Variants in HERC1 observed in about 807,000 individuals in gnomAD.
The protein encoded by HERC1 is probable E3 ubiquitin-protein ligase HERC1.
HERC1 carries 160 observed loss-of-function variants against 554.3 expected under a neutral mutation model. That is an observed-to-expected ratio of 0.29 (90% CI 0.25 to 0.33). The LOEUF (loss-of-function observed/expected upper bound fraction) is 0.33. Ranked by LOEUF, HERC1 falls within the 10% of genes least tolerant of loss-of-function variation. The pLI is 1.00. For missense variants in HERC1, 4,919 were observed against 5,918.5 expected, an observed-to-expected ratio of 0.83 and a Z score of 5.54; for synonymous variants, 2,175 against 2,131.7, an observed-to-expected ratio of 1.02 and a Z score of -0.56.
At chr15:63,687,472 A>T (rs548428711) in intron 33 of HERC1, among the ~76,000 whole-genome samples, 49 of 152,056 alleles carry the variant, frequency 3.2e-4, no homozygotes, top group African/African-American at 1.1e-3. Context: ...GGGGAGGCAG[A>T]GGTTGCAGTA....
At chr15:63,724,520 C>T (rs1305195488) in intron 18 of HERC1, among the ~76,000 whole-genome samples, 1 of 152,162 alleles carries the variant, frequency 6.6e-6, no homozygotes, top group Non-Finnish European at 1.5e-5. Flanking sequence ...TTTTTCTTTT[C>T]TTTTCCGCTC....
chr15:63,789,140 G>A (rs557181141), intron 1 of HERC1, among the ~76,000 whole-genome samples: 5 of 128,944 alleles, frequency 3.9e-5, no homozygotes, highest in African/African-American at 9.1e-5. Context: ...GCCCAGGCTG[G>A]AGTGCAGTGG....
At chr15:63,798,822 A>G (rs2076890765) in intron 1 of HERC1, among the ~76,000 whole-genome samples, 1 of 152,212 alleles carries the variant, frequency 6.6e-6, no homozygotes, top group Admixed American at 6.5e-5. Context: ...ATGGTAACTC[A>G]TAGGTATATT....
chr15:63,705,910 G>C (rs2072977377), intron 25 of HERC1, among the ~76,000 whole-genome samples: 2 of 151,286 alleles, frequency 1.3e-5, no homozygotes, highest in South Asian at 2.1e-4. Context: ...CACACCTGCA[G>C]TCCCAGCTAC....
intron 2 of HERC1, among the ~76,000 whole-genome samples, chr15:63,769,577 G>A (rs1011806434): frequency 4.6e-5 from 7 of 152,190 alleles, no homozygotes; most frequent in Admixed American, 6.5e-5. Context: ...TTTGGGGCCC[G>A]GTGTGGTGGC....
At chr15:63,791,625 C>T (rs1390271823) in intron 1 of HERC1, among the ~76,000 whole-genome samples, 7 of 152,128 alleles carry the variant, frequency 4.6e-5, no homozygotes, top group African/African-American at 1.4e-4. Flanking sequence ...AAGTAAAAAA[C>T]AATTCTTCGA....
intron 61 of HERC1, among the ~76,000 whole-genome samples, chr15:63,639,526 T>C (rs1209788690): frequency 6.6e-6 from 1 of 152,352 alleles, no homozygotes. Flanking sequence ...AAGTGATGCA[T>C]AGCTACAGTT....
chr15:63,658,705 G>A lies in HERC1; in HGVS notation c.9438C>T (p.Ser3146=), dbSNP rs199934275. 6.4e-5 allele frequency: 103 copies of A among 1,610,472 alleles called. No homozygotes were observed. Among genetic ancestry groups the A allele is most frequent in the South Asian group, 4.6e-4 (42 of 90,642 alleles). ...ETLMQIGCHG[S]VEKSSSGRIT... ...TTCTCCCAGAGGAGCTCTTTTCTAC[G>A]GAGCCATGGCAACCTGAAAAACATA... is the stretch of plus-strand genomic sequence containing the variant. Residue 3146 remains serine, a synonymous_variant, in exon 48 of 78, where the codon TCC becomes TCT. Coordinates refer to ENST00000443617, the MANE Select transcript of HERC1 (RefSeq NM_003922.4).
At chr15:63,798,121 C>A (rs1342995810) in intron 1 of HERC1, among the ~76,000 whole-genome samples, 1 of 152,202 alleles carries the variant, frequency 6.6e-6, no homozygotes, top group African/African-American at 2.4e-5. Context: ...GACACTACCA[C>A]CTGCTACTTC....
At chr15:63,639,957 A>G (rs2068962284) in intron 61 of HERC1, among the ~76,000 whole-genome samples, 195 bp downstream of exon 61, 1 of 151,618 alleles carries the variant, frequency 6.6e-6, no homozygotes, top group African/African-American at 2.4e-5. Context: ...CAGTGCTTAC[A>G]TTATCAATTC....
At chr15:63,743,869 G>A (rs553625665) in intron 12 of HERC1, among the ~76,000 whole-genome samples, 2 of 152,278 alleles carry the variant, frequency 1.3e-5, no homozygotes, top group African/African-American at 4.8e-5. Context: ...GATGCCAGTA[G>A]ATATTGAAGA....
chr15:63,823,649 A>G (rs1567164759), intron 1 of HERC1, among the ~76,000 whole-genome samples: 1 of 152,224 alleles, frequency 6.6e-6, no homozygotes, highest in African/African-American at 2.4e-5. Flanking sequence ...AACTAGTGCC[A>G]TCCTACATTG....
At chr15:63,614,283 T>G (rs2152719228) in intron 76 of HERC1, among the ~76,000 whole-genome samples, 1 of 152,314 alleles carries the variant, frequency 6.6e-6, no homozygotes, top group African/African-American at 2.4e-5. Context: ...GGCTCTGCTG[T>G]GGGCACTCAG....
At chr15:63,609,332 C>T (rs1664823764) in intron 77 of HERC1, 66 bp from the exon 78 acceptor site, 5 of 1,381,246 alleles carry the variant, frequency 3.6e-6, no homozygotes, top group Non-Finnish European at 4.9e-6. Context: ...GTGGGGCTGC[C>T]CATGACCTCT....
chr15:63,679,938 C>A (rs1421260324), intron 36 of HERC1, 139 bp downstream of exon 36: 2 of 516,412 alleles, frequency 3.9e-6, no homozygotes, highest in Non-Finnish European at 6.6e-6. Flanking sequence ...CTGAAAGTAA[C>A]CTTCTTCTAG....
At chr15:63,751,516 G>A (rs1021289975) in intron 8 of HERC1, among the ~76,000 whole-genome samples, 8 of 152,084 alleles carry the variant, frequency 5.3e-5, no homozygotes, top group Non-Finnish European at 8.8e-5. Context: ...CTCTTGCAGC[G>A]TTCCTTCGGT....
intron 1 of HERC1, among the ~76,000 whole-genome samples, chr15:63,798,283 C>T (rs80054172): frequency 1.6e-3 from 236 of 152,252 alleles, no homozygotes; most frequent in African/African-American, 5.3e-3. Flanking sequence ...GATGTTACTC[C>T]CTTAGTGAAA....
At position 63,615,859 on chromosome 15, in the gene HERC1, G is replaced by A. The variant is rs772982803; in HGVS notation, c.14003C>T (p.Pro4668Leu). ...SADGKMVPIIPGGNSIPLTFS... is the reference protein window; with the variant it reads ...SADGKMVPIILGGNSIPLTFS... ...TGTGAGTGGGATACTATTTCCACCA[G>A]GGATTATAGGAACCATTTTGCCATC... Residue 4668 changes from proline to leucine, a missense_variant, in exon 76 of 78, where the codon CCT becomes CTT. Around this residue, in one of 11 missense-constraint regions of HERC1, gnomAD observed 284 missense variants for 294.1 expected, o/e 0.97. Transcript: ENST00000443617. The A allele has an allele frequency of 1.2e-5, 20 of 1,607,032 alleles. No homozygotes were observed. The highest frequency in any genetic ancestry group is 8.5e-7 in the Non-Finnish European group (1 of 1,177,056).
intron 39 of HERC1, among the ~76,000 whole-genome samples, chr15:63,669,928 A>G: frequency 6.6e-6 from 1 of 152,188 alleles, no homozygotes; most frequent in Non-Finnish European, 1.5e-5. Context: ...GCCAGCAACA[A>G]AGCAGGTTGG....
Sources: allele counts gnomAD v4.1 joint callset (sites outside exome capture counted in the v4.1 genomes callset), GRCh38; gene constraint gnomAD v4.1.1; regional missense constraint gnomAD v4.1.1; transcripts MANE v1.5; gene names NCBI Gene and HGNC (gene_info 2026-07-23, HGNC 2026-07-21).